Variants in PTPRD observed in about 807,000 individuals in gnomAD.
The protein encoded by PTPRD is protein tyrosine phosphatase receptor type D.
In PTPRD, 34 loss-of-function variants were observed where a neutral mutation model predicts 214.5. That is an observed-to-expected ratio of 0.16 (90% CI 0.12 to 0.21). PTPRD has a LOEUF of 0.21. Ranked by LOEUF, PTPRD falls within the 10% of genes least tolerant of loss-of-function variation. The pLI, the probability that PTPRD is intolerant of heterozygous loss-of-function variation, is 1.00. For missense variants in PTPRD, 2,545 were observed against 2,398.7 expected (o/e 1.06, Z -1.27); for synonymous variants, 1,128 against 845.7 (o/e 1.33, Z -5.79).
intron 11 of PTPRD, among the ~76,000 whole-genome samples, chr9:8,989,379 G>C (rs1168439737): frequency 2.0e-5 from 3 of 151,780 alleles, no homozygotes; most frequent in Non-Finnish European, 4.4e-5. Flanking sequence ...TTGCTTCTCA[G>C]CCTCTAGTAA....
intron 19 of PTPRD, 131 bp from the exon 20 acceptor site, chr9:8,521,677 A>T (rs2097893381): frequency 9.9e-7 from 1 of 1,007,074 alleles, no homozygotes; most frequent in East Asian, 2.6e-5. Flanking sequence ...AACAAAACAT[A>T]AAGAAAAACT....
intron 7 of PTPRD, among the ~76,000 whole-genome samples, chr9:9,710,513 G>A (rs572884113): frequency 1.6e-4 from 24 of 151,942 alleles, no homozygotes; most frequent in African/African-American, 5.8e-4. Flanking sequence ...TCTCACTTAT[G>A]AATTGGAAAG....
At chr9:10,368,265 T>C (rs1256478814) in intron 2 of PTPRD, among the ~76,000 whole-genome samples, 1 of 151,946 alleles carries the variant, frequency 6.6e-6, no homozygotes. Context: ...AAAAAGAGAG[T>C]AAATGTAATA....
At chr9:10,134,856 T>C (rs1232922726) in intron 3 of PTPRD, among the ~76,000 whole-genome samples, 6 of 152,110 alleles carry the variant, frequency 3.9e-5, no homozygotes, top group African/African-American at 7.2e-5. Context: ...CTCCCTATTA[T>C]ATTAGATCCA....
At chr9:9,431,913 G>T (rs2083297407) in intron 8 of PTPRD, among the ~76,000 whole-genome samples, 1 of 103,934 alleles carries the variant, frequency 9.6e-6, no homozygotes, top group Non-Finnish European at 1.8e-5. Flanking sequence ...TGGGGTGGGG[G>T]GAGGGGGGAG....
At chr9:10,611,318 T>C (rs2080910717) in intron 2 of PTPRD, among the ~76,000 whole-genome samples, 1 of 152,112 alleles carries the variant, frequency 6.6e-6, no homozygotes, top group East Asian at 1.9e-4. Flanking sequence ...TATGTAACAA[T>C]GCAAGAAGAA....
chr9:10,321,764 T>C (rs182052771), intron 3 of PTPRD, among the ~76,000 whole-genome samples: 1 of 152,110 alleles, frequency 6.6e-6, no homozygotes, highest in East Asian at 1.9e-4. Context: ...ATATATAGAA[T>C]TAAGAAACAG....
chr9:9,169,721 G>A (rs1295285880), intron 10 of PTPRD, among the ~76,000 whole-genome samples: 1 of 152,062 alleles, frequency 6.6e-6, no homozygotes, highest in Non-Finnish European at 1.5e-5. Flanking sequence ...TAATACCCCT[G>A]GGCTGATTTT....
rs116038381 is a variant in PTPRD, at chr9:10,475,201, T to C, written c.-599-134184A>G. Among the ~76,000 whole-genome samples, 1,338 of 152,046 alleles carry C rather than the reference T, an allele frequency of 8.8e-3. 22 individuals are homozygous for C. The highest frequency in any genetic ancestry group is 0.028 in the African/African-American group (1,181 of 41,476). On this transcript the variant is annotated intron_variant, in intron 2 of 45. Coordinates refer to ENST00000381196, the MANE Select transcript of PTPRD (RefSeq NM_002839.4). The stretch of plus-strand genomic sequence containing the variant: ...AAAAATCAGTGAATCCAGGAGCGGA[T>C]TTTTTTGAAAAGATTAACCAAATAT...
chr9:9,315,033 T>C (rs1401673483), intron 9 of PTPRD, among the ~76,000 whole-genome samples: 1 of 152,022 alleles, frequency 6.6e-6, no homozygotes, highest in African/African-American at 2.4e-5. Context: ...TCACCTAGAT[T>C]TTATTTATTT....
At position 8,592,796 on chromosome 9, in the gene PTPRD, G is replaced by A. The variant is rs554401529; in HGVS notation, c.352+40521C>T. On this transcript the variant is annotated intron_variant, in intron 14 of 45. Transcript: ENST00000381196. ...ATAATTGTAATATAACATGCTGCGTGTTAATGCAGCTATTACATAATATAG... is the reference window on the plus strand; with the variant it reads ...ATAATTGTAATATAACATGCTGCGTATTAATGCAGCTATTACATAATATAG... Among the ~76,000 whole-genome samples the A allele has an allele frequency of 1.4e-3, 219 of 152,320 alleles. 1 individual carries two copies. The highest frequency in any genetic ancestry group is 5.0e-3 in the African/African-American group (206 of 41,576).
intron 2 of PTPRD, among the ~76,000 whole-genome samples, chr9:10,491,552 T>A (rs2040245469): frequency 6.6e-6 from 1 of 151,824 alleles, no homozygotes; most frequent in African/African-American, 2.4e-5. Flanking sequence ...CCCATTGAAA[T>A]GGTTAAAATT....
At chr9:10,540,172 G>A (rs1280718321) in intron 2 of PTPRD, among the ~76,000 whole-genome samples, 1 of 152,102 alleles carries the variant, frequency 6.6e-6, no homozygotes, top group African/African-American at 2.4e-5. Context: ...TGGGACAACT[G>A]GCGTGCACCA....
chr9:8,647,688 TTGATA>T (rs2096724633), intron 12 of PTPRD, among the ~76,000 whole-genome samples: 1 of 152,226 alleles, frequency 6.6e-6, no homozygotes. Context: ...TTTAAGGCTT[TTGATA>T]TATTTAACAA....
chr9:8,563,357 T>G (rs2154213697), intron 14 of PTPRD, among the ~76,000 whole-genome samples: 1 of 152,226 alleles, frequency 6.6e-6, no homozygotes, highest in Middle Eastern at 3.4e-3. Flanking sequence ...ATATCAATTG[T>G]ATCTCAATAA....
In PTPRD at chr9:8,499,573, A is replaced by C. The variant is rs190911796; in HGVS notation, c.2322+74T>G. 38 of 1,486,170 alleles carry C rather than the reference A, an allele frequency of 2.6e-5. No homozygotes were observed. The East Asian group carries it at 7.6e-4, about 30-fold the overall frequency. The allele number at this position is 1,486,170 out of a possible 1,614,324, so 92.1% of individuals were successfully genotyped here. A position where few individuals can be genotyped will look rare whatever the true frequency, so the allele number is the denominator to read the frequency against. ...TTTTTAAATGTCGAAAAACTAAAAT[A>C]AGAGCAATTTCAGGATATGAACTAA... On this transcript the variant is annotated intron_variant, in intron 25 of 45. Transcript: ENST00000381196.
At chr9:8,611,251 C>T (rs939777537) in intron 14 of PTPRD, among the ~76,000 whole-genome samples, 3 of 152,162 alleles carry the variant, frequency 2.0e-5, no homozygotes, top group African/African-American at 7.2e-5. Context: ...GAGCCTGACT[C>T]TGTTCTAATC....
intron 9 of PTPRD, among the ~76,000 whole-genome samples, chr9:9,308,923 T>C (rs1410774829): frequency 6.6e-6 from 1 of 152,080 alleles, no homozygotes; most frequent in African/African-American, 2.4e-5. Flanking sequence ...TTCAAACTAT[T>C]GTGGTGAGAT....
intron 2 of PTPRD, among the ~76,000 whole-genome samples, chr9:10,544,725 T>C (rs778183176): frequency 2.0e-5 from 3 of 152,210 alleles, no homozygotes; most frequent in Non-Finnish European, 4.4e-5. Flanking sequence ...AAGTAGGTTT[T>C]CTTCCTACTG....
Sources: gnomAD v4.1 joint callset for allele counts (sites outside exome capture counted in the v4.1 genomes callset) on GRCh38, gnomAD v4.1.1 for gene constraint, MANE v1.5 for transcripts, NCBI Gene and HGNC (gene_info 2026-07-23, HGNC 2026-07-21) for gene names.